DMC1: variants seen among roughly 807,000 people sequenced by gnomAD.
DMC1 encodes the protein meiotic recombination protein DMC1 homolog.
DMC1 carries 27 observed loss-of-function variants against 50.1 expected under a neutral mutation model. The ratio of observed to expected loss-of-function variants is 0.54; its 90% CI spans 0.40 to 0.74. The LOEUF (loss-of-function observed/expected upper bound fraction) is 0.74. DMC1 is among the 30% of genes least tolerant of loss of function. The probability of loss-of-function intolerance (pLI) is 0.00; values close to 1 mark genes in which losing one functional copy is unlikely to be tolerated. For missense variants in DMC1, 295 were observed against 420.2 expected (o/e 0.70, Z 2.60); for synonymous variants, 148 against 136.1 (o/e 1.09, Z -0.61).
intron 12 of DMC1, among the ~76,000 whole-genome samples, chr22:38,537,051 C>A (rs954377086): frequency 6.6e-6 from 1 of 151,908 alleles, no homozygotes; most frequent in Non-Finnish European, 1.5e-5. Flanking sequence ...GAGGCTTCAT[C>A]ATGTTGGCCA....
chr22:38,554,443 G>GAAA (rs540883900), intron 6 of DMC1, among the ~76,000 whole-genome samples: 4 of 52,010 alleles, frequency 7.7e-5, no homozygotes, highest in Admixed American at 2.2e-4. Flanking sequence ...CAAGTCAACA[G>GAAA]AAAAAAAAAA....
chr22:38,568,474 CAT>C (rs1491414636), intron 1 of DMC1, 185 bp from the exon 2 acceptor site: 9 of 530,760 alleles, frequency 1.7e-5, no homozygotes, highest in Admixed American at 6.3e-5. Context: ...TGTGTGTGTG[CAT>C]GTGTGTGTGT....
chr22:38,554,824 G>C (rs994497767), intron 6 of DMC1, among the ~76,000 whole-genome samples: 1 of 152,074 alleles, frequency 6.6e-6, no homozygotes, highest in South Asian at 2.1e-4. Flanking sequence ...TATCAGCTGG[G>C]CGCAGTGGCT....
chr22:38,556,230 A>C (rs1342356025), intron 5 of DMC1, among the ~76,000 whole-genome samples: 1 of 151,988 alleles, frequency 6.6e-6, no homozygotes, highest in Non-Finnish European at 1.5e-5. Context: ...TTTGAGACAG[A>C]ATCTTGTTCT....
chr22:38,515,380 T>G (rs2089969625), downstream of DMC1, among the ~76,000 whole-genome samples: 1 of 148,138 alleles, frequency 6.8e-6, no homozygotes, highest in African/African-American at 2.5e-5. Flanking sequence ...CTTGGGAGGC[T>G]GAAGCAGAAT....
Position 38,521,691 on chromosome 22 carries a change from T to A in DMC1, c.870A>T (p.Gly290=). The change falls in exon 13 of 14, where the codon GGA becomes GGT. Residue 290 remains glycine (G), a synonymous_variant. Coordinates refer to ENST00000216024, the MANE Select transcript of DMC1 (RefSeq NM_007068.4). ...TTGTTGAAGCATGAGCCAGAATGTG[T>A]CCCCCAATGGGTTTTTTGGGATCTG... ...FQADPKKPIG[G]HILAHASTTR... 1 of 1,614,072 alleles carries A rather than the reference T, an allele frequency of 6.2e-7. No individual in the cohort carries two copies. The highest frequency in any genetic ancestry group is 8.5e-7 in the Non-Finnish European group (1 of 1,179,970).
At chr22:38,537,979 C>G (rs1221370698) in intron 11 of DMC1, among the ~76,000 whole-genome samples, 4 of 151,960 alleles carry the variant, frequency 2.6e-5, no homozygotes, top group Non-Finnish European at 5.9e-5. Flanking sequence ...CCCGTCTCTA[C>G]TAAATATACA....
chr22:38,513,387 C>G, the DMC1 span, among the ~76,000 whole-genome samples: 1 of 152,150 alleles, frequency 6.6e-6, no homozygotes, highest in Non-Finnish European at 1.5e-5. Flanking sequence ...TGAAAGAAAA[C>G]AAGTGTTATT....
intron 8 of DMC1, among the ~76,000 whole-genome samples, chr22:38,546,415 A>C (rs1260573773): frequency 6.6e-6 from 1 of 151,848 alleles, no homozygotes; most frequent in Non-Finnish European, 1.5e-5. Flanking sequence ...CAAATTGCCC[A>C]AACAGTGGCT....
At position 38,550,946 on chromosome 22, in the gene DMC1, AAAAGAAAG is replaced by A. The variant is rs1258351194; in HGVS notation, c.422-957_422-950del. ...ACTCCATCTCAAAAAAAAAAAAAAA[AAAAGAAAG>A]AAAGAAAGAAAGAAAGAAAAAAGAA... On this transcript the variant is annotated intron_variant, in intron 7 of 13. Transcript: ENST00000216024. Among the ~76,000 whole-genome samples, 564 of 111,336 alleles carry A rather than the reference AAAAGAAAG, an allele frequency of 5.1e-3. 12 individuals carry two copies. The highest frequency in any genetic ancestry group is 0.016 in the African/African-American group (512 of 31,404). 73.0% of individuals were successfully genotyped at this position (111,336 alleles called of 152,430 possible). A position where few individuals can be genotyped will look rare whatever the true frequency, so the allele number is the denominator to read the frequency against.
At chr22:38,569,858 C>G (rs6001158) in intron 1 of DMC1, among the ~76,000 whole-genome samples, 185 bp downstream of exon 1, 3,797 of 152,258 alleles carry the variant, frequency 0.025, 156 homozygotes, top group African/African-American at 0.087. Flanking sequence ...GACTCAGGTC[C>G]GATTCGATTG....
At chr22:38,550,756 C>A (rs911129737) in intron 7 of DMC1, among the ~76,000 whole-genome samples, 1 of 150,200 alleles carries the variant, frequency 6.7e-6, no homozygotes, top group Admixed American at 6.6e-5. Context: ...CATGGTAAAA[C>A]CCTGTCTCTA....
At chr22:38,511,913 G>T in the DMC1 span, among the ~76,000 whole-genome samples, 244 of 152,244 alleles carry the variant, frequency 1.6e-3, 4 homozygotes, top group Admixed American at 0.015. Flanking sequence ...TGCTTTACAG[G>T]AGCTGAGTCA....
chr22:38,513,016 G>A, the DMC1 span, among the ~76,000 whole-genome samples: 24 of 152,148 alleles, frequency 1.6e-4, no homozygotes, highest in Non-Finnish European at 2.9e-4. Flanking sequence ...CCCAGGAGGT[G>A]GAGGTTGCAG....
intron 12 of DMC1, among the ~76,000 whole-genome samples, chr22:38,524,184 G>A (rs2090061544): frequency 6.6e-6 from 1 of 152,168 alleles, no homozygotes; most frequent in Admixed American, 6.6e-5. Context: ...GGGAGGCTGA[G>A]GCAGGCAGAT....
intron 12 of DMC1, among the ~76,000 whole-genome samples, chr22:38,531,427 A>G (rs144841672): frequency 2.0e-5 from 3 of 152,080 alleles, no homozygotes; most frequent in African/African-American, 7.2e-5. Context: ...AGCCCCAATT[A>G]TTGTCAGTGT....
chr22:38,519,783 C>T lies in DMC1; in HGVS notation c.*237G>A. 4.2e-6 allele frequency: 2 copies of T among 471,576 alleles called. No homozygotes were observed. Among genetic ancestry groups the T allele is most frequent in the Non-Finnish European group, 7.8e-6 (2 of 256,452 alleles). 29.2% of individuals were successfully genotyped at this position (471,576 alleles called of 1,614,324 possible). A position where few individuals can be genotyped will look rare whatever the true frequency, so the allele number is the denominator to read the frequency against. ...ATCTACTATATATGTCAGGTATACA[C>T]ACACAAACACACACACACACAAACA... On this transcript the variant is annotated 3_prime_UTR_variant, in exon 14 of 14. Coordinates refer to ENST00000216024, the MANE Select transcript of DMC1 (RefSeq NM_007068.4).
intron 5 of DMC1, among the ~76,000 whole-genome samples, chr22:38,558,477 G>T (rs778581116): frequency 6.6e-6 from 1 of 151,876 alleles, no homozygotes; most frequent in Non-Finnish European, 1.5e-5. Context: ...TACTTTGGGA[G>T]GCCGAGGCAA....
In DMC1 at chr22:38,521,590, A is replaced by ACACACACACACACACACAC. The variant is rs757107730; in HGVS notation, c.953+17_953+18insGTGTGTGTGTGTGTGTGTG. The stretch of plus-strand genomic sequence containing the variant: ...ACACACACACACACACACACACACA[A>ACACACACACACACACACAC]AATAAAAAAAAATTTACCTGTCATA... On this transcript the variant is annotated intron_variant, in intron 13 of 13. Transcript: ENST00000216024. The ACACACACACACACACACAC allele has an allele frequency of 7.0e-7, 1 of 1,423,850 alleles. No homozygotes were observed. Among genetic ancestry groups the ACACACACACACACACACAC allele is most frequent in the Non-Finnish European group, 9.8e-7 (1 of 1,023,878 alleles). The allele number at this position is 1,423,850 out of a possible 1,614,324, so 88.2% of individuals were successfully genotyped here. A position where few individuals can be genotyped will look rare whatever the true frequency, so the allele number is the denominator to read the frequency against.
Sources: gnomAD v4.1 joint callset for allele counts (sites outside exome capture counted in the v4.1 genomes callset) on GRCh38, gnomAD v4.1.1 for gene constraint, MANE v1.5 for transcripts, NCBI Gene and HGNC (gene_info 2026-07-23, HGNC 2026-07-21) for gene names.